The following C10orf90 variants were observed in gnomAD, a reference collection of about 807,000 sequenced individuals.
The protein encoded by C10orf90 is chromosome 10 open reading frame 90.
In C10orf90, 56 loss-of-function variants were observed where a neutral mutation model predicts 62.5. The ratio of observed to expected loss-of-function variants is 0.90; its 90% confidence interval spans 0.72 to 1.12. The LOEUF is 1.12. C10orf90 is among the 50% of genes most tolerant of loss of function. The probability of loss-of-function intolerance (pLI) is 0.00; values close to 1 mark genes in which losing one functional copy is unlikely to be tolerated. For synonymous variants in C10orf90, 386 were observed against 340.4 expected (o/e 1.13, Z -1.47); for missense variants, 970 against 880.4 (o/e 1.10, Z -1.29).
intron 2 of C10orf90, among the ~76,000 whole-genome samples, chr10:126,517,593 C>T (rs1000746376): frequency 6.6e-6 from 1 of 152,138 alleles, no homozygotes; most frequent in Non-Finnish European, 1.5e-5. Flanking sequence ...CACGTTGAAG[C>T]ATGGCCCAGG....
chr10:126,645,275 A>AG (rs1846146292), intron 2 of C10orf90, among the ~76,000 whole-genome samples: 1 of 151,654 alleles, frequency 6.6e-6, no homozygotes, highest in Admixed American at 6.6e-5. Flanking sequence ...AAAAAAAAAA[A>AG]AAAAGCTGGA....
chr10:126,512,739 C>T (rs1405279572), intron 3 of C10orf90, among the ~76,000 whole-genome samples: 1 of 152,116 alleles, frequency 6.6e-6, no homozygotes, highest in Non-Finnish European at 1.5e-5. Context: ...CTGACTCCTG[C>T]TCCGAGGGAA....
At chr10:126,515,080 G>A (rs1315466768) in intron 2 of C10orf90, among the ~76,000 whole-genome samples, 1 of 152,194 alleles carries the variant, frequency 6.6e-6, no homozygotes, top group Non-Finnish European at 1.5e-5. Context: ...AAAGTTTCAT[G>A]AACAATTTAG....
chr10:126,596,769 T>C (rs1845095372), intron 2 of C10orf90, among the ~76,000 whole-genome samples: 1 of 152,224 alleles, frequency 6.6e-6, no homozygotes, highest in Admixed American at 6.5e-5. Context: ...ATTGAATGTG[T>C]ATCACTTTCA....
At chr10:126,581,821 C>T (rs543584851) in intron 2 of C10orf90, among the ~76,000 whole-genome samples, 25 of 152,326 alleles carry the variant, frequency 1.6e-4, no homozygotes, top group African/African-American at 5.8e-4. Context: ...ACATGTGACT[C>T]AGATGCCACC....
At chr10:126,429,636 T>C in intron 8 of C10orf90, 151 bp downstream of exon 8, 2 of 630,092 alleles carry the variant, frequency 3.2e-6, no homozygotes, top group Middle Eastern at 2.6e-4. Context: ...ACCGTACTTA[T>C]TTTAGCCGTT....
chr10:126,629,464 T>G (rs1302324733), intron 2 of C10orf90, among the ~76,000 whole-genome samples: 3 of 152,118 alleles, frequency 2.0e-5, no homozygotes, highest in East Asian at 1.9e-4. Flanking sequence ...ACATCTCAAT[T>G]ATCAAGAAAG....
intron 2 of C10orf90, among the ~76,000 whole-genome samples, chr10:126,568,932 G>C (rs1223193583): frequency 3.3e-5 from 5 of 152,160 alleles, no homozygotes; most frequent in African/African-American, 1.2e-4. Context: ...GCACCTCCCA[G>C]CCAAGGGATG....
chr10:126,548,329 G>T (rs976450969), intron 2 of C10orf90, among the ~76,000 whole-genome samples: 4 of 151,938 alleles, frequency 2.6e-5, no homozygotes, highest in Non-Finnish European at 5.9e-5. Flanking sequence ...AATAATTTGA[G>T]GCCAGGAGGT....
intron 2 of C10orf90, among the ~76,000 whole-genome samples, chr10:126,594,191 C>G (rs79034739): frequency 0.029 from 4,324 of 150,056 alleles, 79 homozygotes; most frequent in African/African-American, 0.047. Flanking sequence ...AGGCACATTC[C>G]TAAGTGATAA....
intron 2 of C10orf90, among the ~76,000 whole-genome samples, chr10:126,583,843 C>T (rs1405739074): frequency 1.3e-5 from 2 of 152,126 alleles, no homozygotes; most frequent in East Asian, 1.9e-4. Context: ...TTGCTGGGTG[C>T]GGTGGCTTAC....
At chr10:126,512,928 G>T (rs1165046245) in intron 3 of C10orf90, among the ~76,000 whole-genome samples, 2 of 152,216 alleles carry the variant, frequency 1.3e-5, no homozygotes, top group Non-Finnish European at 2.9e-5. Context: ...ATTAAATACG[G>T]AGCTAAATCA....
intron 2 of C10orf90, among the ~76,000 whole-genome samples, chr10:126,611,056 G>A (rs1007900725): frequency 1.3e-5 from 2 of 151,866 alleles, no homozygotes; most frequent in East Asian, 1.9e-4. Context: ...GTATATTCTC[G>A]GAGTTGTTAA....
intron 4 of C10orf90, among the ~76,000 whole-genome samples, chr10:126,496,039 T>C (rs1388679950): frequency 3.3e-5 from 5 of 152,218 alleles, no homozygotes; most frequent in African/African-American, 9.6e-5. Context: ...GTGCTTCTTC[T>C]AGGTTACCCT....
chr10:126,434,639 C>T (rs566244726), intron 7 of C10orf90, among the ~76,000 whole-genome samples: 2 of 152,314 alleles, frequency 1.3e-5, no homozygotes, highest in South Asian at 4.1e-4. Context: ...CGTCAAGTCT[C>T]TACCTTCCTG....
chr10:126,623,766 A>C (rs2576011), intron 2 of C10orf90, among the ~76,000 whole-genome samples: 84,348 of 149,956 alleles, frequency 0.56, 23,856 homozygotes, highest in Middle Eastern at 0.68. Flanking sequence ...GCTTGAACCC[A>C]GTAGGCAGAG....
chr10:126,602,983 G>A (rs1188885625), intron 2 of C10orf90, among the ~76,000 whole-genome samples: 5 of 151,876 alleles, frequency 3.3e-5, no homozygotes, highest in African/African-American at 9.7e-5. Context: ...GAGAGAGAGA[G>A]ACAGAGTGAG....
rs923770922 is a variant in C10orf90, at chr10:126,631,964, C to T, written c.313+14601G>A. On this transcript the variant is annotated intron_variant, in intron 2 of 9. Transcript: ENST00000488181. Reference sequence around the variant, plus strand: ...CAGACACTGTCCTCACGTGTGTAGCCGCAGATGCCCCAGTAGAGCTGGAAT... The same window carrying T: ...CAGACACTGTCCTCACGTGTGTAGCTGCAGATGCCCCAGTAGAGCTGGAAT... Among the ~76,000 whole-genome samples the T allele has an allele frequency of 9.2e-5, 14 of 152,138 alleles. No individual in the cohort carries two copies. The East Asian group carries it at 9.7e-4, about 11-fold the overall frequency.
intron 1 of C10orf90, among the ~76,000 whole-genome samples, chr10:126,658,186 C>T (rs1377725881): frequency 1.3e-5 from 2 of 152,188 alleles, no homozygotes; most frequent in African/African-American, 4.8e-5. Context: ...AGACTGACTT[C>T]AAAGGCAGAC....
Sources: gnomAD v4.1 joint callset for allele counts (sites outside exome capture counted in the v4.1 genomes callset) on GRCh38, gnomAD v4.1.1 for gene constraint, MANE v1.5 for transcripts, NCBI Gene and HGNC (gene_info 2026-07-23, HGNC 2026-07-21) for gene names.